EZH2: variants seen among roughly 807,000 people sequenced by gnomAD.
The protein encoded by EZH2 is histone-lysine N-methyltransferase EZH2.
Under a neutral mutation model 98.4 loss-of-function variants are expected in EZH2, and 18 were observed. The ratio of observed to expected loss-of-function variants is 0.18; its 90% confidence interval spans 0.13 to 0.27. The LOEUF (loss-of-function observed/expected upper bound fraction) is 0.27. Among genes scored for constraint, EZH2 ranks in the 10% least tolerant of loss-of-function variants. The probability of loss-of-function intolerance (pLI) is 1.00; values close to 1 mark genes in which losing one functional copy is unlikely to be tolerated. For synonymous variants in EZH2, 338 were observed against 312.3 expected (o/e 1.08, Z -0.87); for missense variants, 470 against 935.1 (o/e 0.50, Z 6.49).
chr7:148,846,903 A>G (rs1290471716), intron 2 of EZH2, among the ~76,000 whole-genome samples: 1 of 149,650 alleles, frequency 6.7e-6, no homozygotes, highest in Non-Finnish European at 1.5e-5. Flanking sequence ...TTTAATCACA[A>G]TGACTTTAGA....
Position 148,866,603 on chromosome 7 carries a change from TTA to T in EZH2, c.-8+17559_-8+17560del, listed in dbSNP as rs1265299010. On this transcript the variant is annotated intron_variant, in intron 1 of 19. Coordinates refer to ENST00000320356, the MANE Select transcript of EZH2 (RefSeq NM_004456.5). ...ATACATATATTGTATACACTATATATTATATATAATATATATGCATATATGTA... is the reference window on the plus strand; with the variant it reads ...ATACATATATTGTATACACTATATATTATATAATATATATGCATATATGTA... Among the ~76,000 whole-genome samples the T allele has an allele frequency of 2.7e-5, 4 of 147,068 alleles. No homozygotes were observed. The South Asian group carries it at 8.4e-4, about 31-fold the overall frequency.
rs1808861502 is a variant in EZH2, at chr7:148,829,918, A to T, written c.364-70T>A. 4.0e-5 allele frequency: 49 copies of T among 1,215,976 alleles called. No individual in the cohort carries two copies. In the South Asian group the frequency reaches 5.9e-4, roughly 15 times the overall value. The allele number at this position is 1,215,976 out of a possible 1,614,324, so 75.3% of individuals were successfully genotyped here. A position where few individuals can be genotyped will look rare whatever the true frequency, so the allele number is the denominator to read the frequency against. On this transcript the variant is annotated intron_variant, in intron 4 of 19. Transcript: ENST00000320356. The stretch of plus-strand genomic sequence containing the variant: ...TCAAATGTGAAATAACTAAAATACA[A>T]CCTTTTTTTCATGTGTACATGTCTT...
At chr7:148,866,639 T>C (rs1322916980) in intron 1 of EZH2, among the ~76,000 whole-genome samples, 2 of 146,946 alleles carry the variant, frequency 1.4e-5, no homozygotes, top group East Asian at 2.0e-4. Flanking sequence ...TATATATACA[T>C]ATACATATAC....
At chr7:148,874,487 A>G (rs1325168419) in intron 1 of EZH2, among the ~76,000 whole-genome samples, 1 of 152,166 alleles carries the variant, frequency 6.6e-6, no homozygotes, top group Non-Finnish European at 1.5e-5. Flanking sequence ...ACCTTCAGGA[A>G]TTTCTTAACT....
chr7:148,833,379 C>G (rs1028196170), intron 3 of EZH2, among the ~76,000 whole-genome samples: 5 of 151,502 alleles, frequency 3.3e-5, no homozygotes, highest in Admixed American at 6.6e-5. Flanking sequence ...ATGGCGTGAA[C>G]CCGGGAGGCG....
intron 1 of EZH2, among the ~76,000 whole-genome samples, chr7:148,853,432 C>A (rs767783876): frequency 2.6e-5 from 4 of 152,134 alleles, no homozygotes; most frequent in Middle Eastern, 3.4e-3. Flanking sequence ...AAAAAAGATT[C>A]TTTTAAGGAG....
chr7:148,818,259 A>G, intron 9 of EZH2, 142 bp from the exon 10 acceptor site: 1 of 871,926 alleles, frequency 1.1e-6, no homozygotes, highest in Non-Finnish European at 1.7e-6. Flanking sequence ...TTGCATGTCT[A>G]ATATACTTGT....
intron 1 of EZH2, among the ~76,000 whole-genome samples, chr7:148,855,351 G>A (rs74788777): frequency 3.9e-5 from 6 of 152,296 alleles, no homozygotes; most frequent in African/African-American, 7.2e-5. Context: ...TTAATTCTAA[G>A]TCCTATACAC....
At chr7:148,807,800 C>T in intron 19 of EZH2, 94 bp from the exon 20 acceptor site, 1 of 499,610 alleles carries the variant, frequency 2.0e-6, no homozygotes, top group Non-Finnish European at 3.4e-6. Context: ...ATAGTGGGTG[C>T]ATTAAAATGT....
intron 3 of EZH2, among the ~76,000 whole-genome samples, chr7:148,839,088 G>GGAAGGAAGGAAGGAAGGAAA (rs1562997769): frequency 9.6e-4 from 135 of 140,884 alleles, no homozygotes; most frequent in African/African-American, 3.7e-3. Context: ...AAGGAAGGAA[G>GGAAGGAAGGAAGGAAGGAAA]GAAGGAAGGA....
At chr7:148,874,738 C>G (rs1303741988) in intron 1 of EZH2, among the ~76,000 whole-genome samples, 1 of 151,754 alleles carries the variant, frequency 6.6e-6, no homozygotes, top group Non-Finnish European at 1.5e-5. Context: ...TGTATAGAAA[C>G]CAAGTATATA....
At chr7:148,871,626 T>A (rs1585291102) in intron 1 of EZH2, among the ~76,000 whole-genome samples, 1 of 149,502 alleles carries the variant, frequency 6.7e-6, no homozygotes, top group South Asian at 2.1e-4. Flanking sequence ...CTGGCTGGAG[T>A]GCAATGGCAT....
intron 1 of EZH2, among the ~76,000 whole-genome samples, chr7:148,881,199 G>C (rs2129495579): frequency 6.6e-6 from 1 of 152,256 alleles, no homozygotes; most frequent in East Asian, 1.9e-4. Context: ...TTATATTGGA[G>C]GATTTGTCCT....
intron 19 of EZH2, 87 bp from the exon 20 acceptor site, chr7:148,807,793 G>T: frequency 1.3e-5 from 8 of 601,104 alleles, no homozygotes; most frequent in Non-Finnish European, 2.3e-5. Flanking sequence ...GCTGAAGATA[G>T]TGGGTGCATT....
chr7:148,810,490 G>A (rs1802724962), intron 16 of EZH2, 76 bp from the exon 17 acceptor site: 3 of 955,630 alleles, frequency 3.1e-6, no homozygotes, highest in East Asian at 4.9e-5. Context: ...AAAGCGCACA[G>A]AGTGAATACT....
chr7:148,848,843 A>G (rs978622704), intron 1 of EZH2, among the ~76,000 whole-genome samples: 1 of 152,134 alleles, frequency 6.6e-6, no homozygotes, highest in Non-Finnish European at 1.5e-5. Context: ...CCCCTCGGAT[A>G]CCAAAATCCA....
chr7:148,866,678 G>GTATATGCATATATATATACA (rs1287341820), intron 1 of EZH2, among the ~76,000 whole-genome samples: 4 of 144,700 alleles, frequency 2.8e-5, no homozygotes, highest in Non-Finnish European at 6.0e-5. Flanking sequence ...ATATATGTAC[G>GTATATGCATATATATATACA]TATATGCATA....
chr7:148,847,406 A>C, intron 1 of EZH2, 101 bp from the exon 2 acceptor site: 1 of 1,371,254 alleles, frequency 7.3e-7, no homozygotes, highest in Non-Finnish European at 1.0e-6. Flanking sequence ...TGAAGAAATG[A>C]CACATATTAC....
At chr7:148,839,084 G>GGAAGGAAGGAAA (rs1369658489) in intron 3 of EZH2, among the ~76,000 whole-genome samples, 1 of 150,920 alleles carries the variant, frequency 6.6e-6, no homozygotes, top group African/African-American at 2.5e-5. Context: ...AAGGAAGGAA[G>GGAAGGAAGGAAA]GAAGGAAGGA....
Sources: gnomAD v4.1 joint callset for allele counts (sites outside exome capture counted in the v4.1 genomes callset) on GRCh38, gnomAD v4.1.1 for gene constraint, MANE v1.5 for transcripts, NCBI Gene and HGNC (gene_info 2026-07-23, HGNC 2026-07-21) for gene names.